The following TRAPPC9 variants were observed in gnomAD, a reference collection of about 807,000 sequenced individuals.
The protein encoded by TRAPPC9 is IKK2 binding protein.
Under a neutral mutation model 124.0 loss-of-function variants are expected in TRAPPC9, and 83 were observed. The ratio of observed to expected loss-of-function variants is 0.67; its 90% CI spans 0.56 to 0.80. The LOEUF (loss-of-function observed/expected upper bound fraction) is 0.80. Ranked by LOEUF, TRAPPC9 falls within the 30% of genes least tolerant of loss-of-function variation. TRAPPC9 has a pLI of 0.00. For missense variants in TRAPPC9, 1,302 were observed against 1,508.3 expected, an observed-to-expected ratio of 0.86 and a Z score of 2.27; for synonymous variants, 638 against 617.5, an observed-to-expected ratio of 1.03 and a Z score of -0.49.
At chr8:140,376,294 C>T (rs767477280) in intron 7 of TRAPPC9, among the ~76,000 whole-genome samples, 2 of 151,638 alleles carry the variant, frequency 1.3e-5, no homozygotes, top group Non-Finnish European at 2.9e-5. Flanking sequence ...CGGTGGCTCA[C>T]GCCTGTAATC....
At chr8:139,761,754 C>T (rs909445424) in intron 21 of TRAPPC9, among the ~76,000 whole-genome samples, 35 of 151,986 alleles carry the variant, frequency 2.3e-4, no homozygotes, top group Admixed American at 2.0e-3. Context: ...AACCCAGGCC[C>T]GCCCCGTTCT....
intron 17 of TRAPPC9, chr8:140,041,114 C>G (rs1841249148): frequency 6.6e-6 from 1 of 152,158 alleles, no homozygotes; most frequent in Non-Finnish European, 1.5e-5. Flanking sequence ...AAGAGAAAAA[C>G]AAGCCCTCAG....
chr8:140,222,209 T>C (rs1172432834), intron 16 of TRAPPC9, among the ~76,000 whole-genome samples: 1 of 152,156 alleles, frequency 6.6e-6, no homozygotes, highest in African/African-American at 2.4e-5. Flanking sequence ...TTAGTCTAAG[T>C]GCTACCTCCT....
chr8:139,851,810 CAA>C (rs939573754), intron 21 of TRAPPC9, among the ~76,000 whole-genome samples: 6 of 152,160 alleles, frequency 3.9e-5, no homozygotes, highest in African/African-American at 1.4e-4. Flanking sequence ...AGGAGATCTC[CAA>C]AGTCATTCAG....
intron 17 of TRAPPC9, among the ~76,000 whole-genome samples, chr8:140,135,202 G>C (rs1300383547): frequency 1.3e-5 from 2 of 152,154 alleles, no homozygotes; most frequent in Non-Finnish European, 2.9e-5. Flanking sequence ...TGAAACCCTT[G>C]TGCATTGCTA....
chr8:140,062,672 T>A (rs1842690679), intron 17 of TRAPPC9, among the ~76,000 whole-genome samples: 1 of 152,188 alleles, frequency 6.6e-6, no homozygotes. Flanking sequence ...CTTGCTTGTC[T>A]GCTCTCCTAC....
chr8:139,993,802 T>C (rs1837793669), intron 18 of TRAPPC9, among the ~76,000 whole-genome samples: 1 of 152,192 alleles, frequency 6.6e-6, no homozygotes, highest in Non-Finnish European at 1.5e-5. Flanking sequence ...TATATATGTA[T>C]ATCAAATTTT....
At position 139,728,149 on chromosome 8, in the gene TRAPPC9, G is replaced by A. The variant is rs1018041001; in HGVS notation, c.*2912C>T. Among the ~76,000 whole-genome samples, 4 of 152,148 alleles carry A rather than the reference G, an allele frequency of 2.6e-5. No homozygotes were observed. Among genetic ancestry groups the A allele is most frequent in the Non-Finnish European group, 5.9e-5 (4 of 68,032 alleles). On this transcript the variant is annotated 3_prime_UTR_variant, in exon 23 of 23. Coordinates refer to ENST00000438773, the MANE Select transcript of TRAPPC9 (RefSeq NM_001160372.4). Reference sequence around the variant, plus strand: ...GCTTAATTTAAGTAACTTGTCCAAGGTCAAGGAGTTGACAAGTGGCTGAGC... The same window carrying A: ...GCTTAATTTAAGTAACTTGTCCAAGATCAAGGAGTTGACAAGTGGCTGAGC...
At chr8:139,899,120 CAAAAAAAAA>C (rs33927933) in intron 20 of TRAPPC9, among the ~76,000 whole-genome samples, 1 of 45,468 alleles carries the variant, frequency 2.2e-5, no homozygotes, top group African/African-American at 9.9e-5. Context: ...AACTCCGTCT[CAAAAAAAAA>C]AAAAAAAAAA....
Position 140,371,731 on chromosome 8 carries a change from TCTCA to T in TRAPPC9, c.1135-555_1135-552del, listed in dbSNP as rs2068287953. Among the ~76,000 whole-genome samples, 4 of 151,554 alleles carry T rather than the reference TCTCA, an allele frequency of 2.6e-5. No individual in the cohort carries two copies. In the South Asian group the frequency reaches 8.4e-4, roughly 32 times the overall value. The stretch of plus-strand genomic sequence containing the variant: ...CTTTTCTTTTTTTTTTGAGACGGAG[TCTCA>T]CTCTGTCACTCAGGCTGGAGTGCAG... On this transcript the variant is annotated intron_variant, in intron 7 of 22. Coordinates refer to ENST00000438773, the MANE Select transcript of TRAPPC9 (RefSeq NM_001160372.4).
At chr8:140,442,265 T>G (rs2071043662) in intron 2 of TRAPPC9, among the ~76,000 whole-genome samples, 1 of 152,158 alleles carries the variant, frequency 6.6e-6, no homozygotes, top group Non-Finnish European at 1.5e-5. Context: ...CATATGAAAG[T>G]CATAATACAA....
chr8:140,197,388 G>A (rs527236379), intron 17 of TRAPPC9, among the ~76,000 whole-genome samples: 4 of 152,284 alleles, frequency 2.6e-5, no homozygotes, highest in South Asian at 2.1e-4. Flanking sequence ...CAGGGCAGGC[G>A]CCTCCTCCTC....
At chr8:139,925,288 TC>T (rs1450849655) in intron 19 of TRAPPC9, among the ~76,000 whole-genome samples, 1 of 152,188 alleles carries the variant, frequency 6.6e-6, no homozygotes, top group African/African-American at 2.4e-5. Context: ...ATATCGCCTT[TC>T]TGCCCAGGAA....
intron 21 of TRAPPC9, among the ~76,000 whole-genome samples, chr8:139,863,758 C>A (rs1417136719): frequency 3.3e-5 from 5 of 152,248 alleles, no homozygotes; most frequent in Non-Finnish European, 7.3e-5. Context: ...AACATCACCC[C>A]ACTCATCCCC....
chr8:139,911,583 T>G (rs1831732864), intron 19 of TRAPPC9, among the ~76,000 whole-genome samples: 1 of 151,952 alleles, frequency 6.6e-6, no homozygotes, highest in South Asian at 2.1e-4. Flanking sequence ...TACACACCTG[T>G]AGTCCCAGCT....
upstream of TRAPPC9, chr8:140,458,148 AGGAGGGAGAT>A (rs143157829): frequency 0.093 from 134,451 of 1,442,990 alleles, 7,962 homozygotes; most frequent in African/African-American, 0.27. Context: ...GGAGGAGGGA[AGGAGGGAGAT>A]GGAGGGAGAT....
At chr8:140,169,593 A>G (rs1365208630) in intron 17 of TRAPPC9, among the ~76,000 whole-genome samples, 1 of 152,182 alleles carries the variant, frequency 6.6e-6, no homozygotes, top group African/African-American at 2.4e-5. Context: ...TCCAGCCACG[A>G]GAAGGAAGGA....
intron 19 of TRAPPC9, among the ~76,000 whole-genome samples, chr8:139,917,018 T>C (rs1036471576): frequency 6.6e-6 from 1 of 152,164 alleles, no homozygotes; most frequent in African/African-American, 2.4e-5. Context: ...TCCTGACTCG[T>C]CCATCCTGAA....
intron 19 of TRAPPC9, among the ~76,000 whole-genome samples, chr8:139,925,651 G>A (rs1832763272): frequency 6.6e-6 from 1 of 151,926 alleles, no homozygotes; most frequent in African/African-American, 2.4e-5. Flanking sequence ...AGGAGGCTGA[G>A]GCAGGAGGAT....
Sources: gnomAD v4.1 joint callset for allele counts (sites outside exome capture counted in the v4.1 genomes callset) on GRCh38, gnomAD v4.1.1 for gene constraint, MANE v1.5 for transcripts, NCBI Gene and HGNC (gene_info 2026-07-23, HGNC 2026-07-21) for gene names.